Variants in GRM8 observed in about 807,000 individuals in gnomAD.
GRM8 encodes metabotropic glutamate receptor 8.
In GRM8, 47 loss-of-function variants were observed where a neutral mutation model predicts 87.2. The ratio of observed to expected loss-of-function variants is 0.54; its 90% CI spans 0.43 to 0.69. The LOEUF (loss-of-function observed/expected upper bound fraction) is 0.69, where lower values mean the gene tolerates loss of function less well. Among genes scored for constraint, GRM8 ranks in the 30% least tolerant of loss-of-function variants. The pLI is 0.00. For missense variants in GRM8, 1,019 were observed against 1,139.2 expected (o/e 0.89, Z 1.52); for synonymous variants, 396 against 404.5 (o/e 0.98, Z 0.25).
intron 7 of GRM8, among the ~76,000 whole-genome samples, chr7:126,632,545 G>T (rs1288602330): frequency 6.6e-6 from 1 of 151,990 alleles, no homozygotes; most frequent in Non-Finnish European, 1.5e-5. Flanking sequence ...TATACCCAAA[G>T]GAATATAAAT....
chr7:126,739,406 GCACACA>G (rs3222171), intron 7 of GRM8, among the ~76,000 whole-genome samples: 3 of 148,686 alleles, frequency 2.0e-5, no homozygotes, highest in African/African-American at 5.0e-5. Context: ...AATTGTGTTT[GCACACA>G]CACACACACA....
chr7:126,515,255 A>G (rs150460933), intron 9 of GRM8, among the ~76,000 whole-genome samples: 328 of 152,258 alleles, frequency 2.2e-3, no homozygotes, highest in African/African-American at 7.5e-3. Context: ...TGCTTAATGC[A>G]TAGTATATCA....
chr7:126,621,349 T>A (rs1585254249), intron 7 of GRM8, among the ~76,000 whole-genome samples: 1 of 152,322 alleles, frequency 6.6e-6, no homozygotes, highest in East Asian at 1.9e-4. Context: ...TATAATTTAC[T>A]CAACACTCAA....
intron 2 of GRM8, among the ~76,000 whole-genome samples, chr7:127,193,540 A>G (rs953531855): frequency 1.3e-5 from 2 of 152,208 alleles, no homozygotes; most frequent in Non-Finnish European, 2.9e-5. Context: ...TTCTCATATC[A>G]ACTCTAATTT....
At chr7:127,014,440 T>A (rs1366626775) in intron 3 of GRM8, among the ~76,000 whole-genome samples, 1 of 152,136 alleles carries the variant, frequency 6.6e-6, no homozygotes, top group Non-Finnish European at 1.5e-5. Context: ...ACTTAGTAGG[T>A]TAGCAGCACG....
Position 126,446,248 on chromosome 7 carries a change from C to A in GRM8, c.2555G>T (p.Arg852Leu). 3.7e-6 allele frequency: 6 copies of A among 1,612,810 alleles called. No individual in the cohort carries two copies. The highest frequency in any genetic ancestry group is 1.3e-5 in the African/African-American group (1 of 74,930). The stretch of plus-strand genomic sequence containing the variant: ...CACCACAGCCTTGAAGCTCCTCTTG[C>A]GTTTTTGAACATTCTGTTCTGGATG... The part of the protein sequence containing the change: ...IFHPEQNVQK[R>L]KRSFKAVVTA... The change falls in exon 10 of 11, where the codon CGC (arginine) becomes CTC (leucine). Residue 852 changes from arginine to leucine, a missense_variant. By Grantham distance (102) the Arg-to-Leu change is moderately radical (BLOSUM62 -2). Coordinates refer to ENST00000339582, the MANE Select transcript of GRM8 (RefSeq NM_000845.3).
chr7:126,907,852 C>T (rs532082394), intron 3 of GRM8, among the ~76,000 whole-genome samples: 2 of 152,212 alleles, frequency 1.3e-5, no homozygotes, highest in South Asian at 2.1e-4. Flanking sequence ...ACTGAGCCAG[C>T]GCTACTGGTG....
Position 126,780,783 on chromosome 7 carries a change from T to G in GRM8, c.1157-10718A>C, listed in dbSNP as rs140873794. 2.5e-3 allele frequency among the ~76,000 whole-genome samples: 379 copies of G among 151,988 alleles called. 3 individuals are homozygous for G. Among genetic ancestry groups the G allele is most frequent in the African/African-American group, 8.2e-3 (341 of 41,546 alleles). On this transcript the variant is annotated intron_variant, in intron 6 of 10. Transcript: ENST00000339582. Reference sequence around the variant, plus strand: ...GCAAATGACCGGGAGTCTATCTGTCTTCTTTCTGTAAAAGCAGAGGGAAGC... The same window carrying G: ...GCAAATGACCGGGAGTCTATCTGTCGTCTTTCTGTAAAAGCAGAGGGAAGC...
intron 7 of GRM8, among the ~76,000 whole-genome samples, chr7:126,629,061 A>T (rs890387368): frequency 1.3e-5 from 2 of 152,196 alleles, no homozygotes; most frequent in Non-Finnish European, 2.9e-5. Context: ...ACTAAACAAC[A>T]ATTCTTTAAC....
chr7:126,572,306 T>A (rs932655427), intron 8 of GRM8, among the ~76,000 whole-genome samples: 1 of 152,148 alleles, frequency 6.6e-6, no homozygotes, highest in Non-Finnish European at 1.5e-5. Context: ...CACAGAGTAT[T>A]ATTTGGTTAA....
chr7:126,905,432 T>C (rs1048612000), intron 3 of GRM8, among the ~76,000 whole-genome samples: 1 of 151,896 alleles, frequency 6.6e-6, no homozygotes, highest in African/African-American at 2.4e-5. Context: ...AAGAAAGAGG[T>C]TCCCCCAGTT....
At chr7:126,974,205 AT>A (rs1328622042) in intron 3 of GRM8, among the ~76,000 whole-genome samples, 5 of 152,210 alleles carry the variant, frequency 3.3e-5, no homozygotes, top group African/African-American at 1.2e-4. Flanking sequence ...GTATGTGTAA[AT>A]ATTCCAAAAT....
At chr7:126,654,236 C>T (rs1563062160) in intron 7 of GRM8, among the ~76,000 whole-genome samples, 2 of 152,168 alleles carry the variant, frequency 1.3e-5, no homozygotes, top group Non-Finnish European at 2.9e-5. Context: ...ATACTGATCG[C>T]CCCTGGTGAC....
At chr7:126,975,245 T>C (rs1168721138) in intron 3 of GRM8, among the ~76,000 whole-genome samples, 1 of 152,092 alleles carries the variant, frequency 6.6e-6, no homozygotes, top group Non-Finnish European at 1.5e-5. Context: ...CATCAGTCAA[T>C]CAGATCAAAG....
chr7:126,522,205 G>A (rs546664622), intron 9 of GRM8, among the ~76,000 whole-genome samples: 13 of 152,210 alleles, frequency 8.5e-5, no homozygotes, highest in Middle Eastern at 3.4e-3. Flanking sequence ...ATTGTCTTCT[G>A]TTCCCAATTC....
chr7:127,105,969 T>A (rs931636579), intron 3 of GRM8, among the ~76,000 whole-genome samples: 1 of 152,144 alleles, frequency 6.6e-6, no homozygotes, highest in African/African-American at 2.4e-5. Context: ...TTGTCCTTCA[T>A]CACACCCTAA....
chr7:126,565,634 T>G (rs1306972661), intron 8 of GRM8, among the ~76,000 whole-genome samples: 1 of 152,134 alleles, frequency 6.6e-6, no homozygotes, highest in African/African-American at 2.4e-5. Context: ...ATCTACAGAT[T>G]CTATGCAATC....
chr7:127,249,937 T>G (rs964831382), intron 1 of GRM8, among the ~76,000 whole-genome samples: 1 of 152,006 alleles, frequency 6.6e-6, no homozygotes, highest in African/African-American at 2.4e-5. Flanking sequence ...AAGAGAGAAA[T>G]TCAAGCAGCA....
chr7:126,751,453 T>C (rs909699585), intron 7 of GRM8, among the ~76,000 whole-genome samples: 12 of 152,174 alleles, frequency 7.9e-5, no homozygotes, highest in African/African-American at 2.9e-4. Flanking sequence ...TATGTACATG[T>C]AGTTAAATTT....
Sources: gnomAD v4.1 joint callset for allele counts (sites outside exome capture counted in the v4.1 genomes callset) on GRCh38, gnomAD v4.1.1 for gene constraint, MANE v1.5 for transcripts, NCBI Gene and HGNC (gene_info 2026-07-23, HGNC 2026-07-21) for gene names.